Variants in MBD5 observed in about 807,000 individuals in gnomAD.
MBD5 encodes methyl-CpG-binding domain protein 5.
Under a neutral mutation model 117.3 loss-of-function variants are expected in MBD5, and 13 were observed. The ratio of observed to expected loss-of-function variants is 0.11; its 90% CI spans 0.07 to 0.18. MBD5 has a LOEUF of 0.18. Among genes scored for constraint, MBD5 ranks in the 10% least tolerant of loss-of-function variants. MBD5 has a pLI of 1.00. For missense variants in MBD5, 1,879 were observed against 2,093.8 expected (o/e 0.90, Z 2.00); for synonymous variants, 727 against 766.4 (o/e 0.95, Z 0.85).
intron 1 of MBD5, among the ~76,000 whole-genome samples, chr2:148,154,127 T>G (rs1697782239): frequency 1.0e-5 from 1 of 99,740 alleles, no homozygotes; most frequent in African/African-American, 3.5e-5. Context: ...GGTGTGGATG[T>G]CCTTTCTGTT....
chr2:148,126,715 TC>T (rs549237832), intron 1 of MBD5, among the ~76,000 whole-genome samples: 2 of 152,082 alleles, frequency 1.3e-5, no homozygotes, highest in South Asian at 4.2e-4. Flanking sequence ...TGCCATCTTT[TC>T]CCCCCTGGCT....
intron 1 of MBD5, among the ~76,000 whole-genome samples, chr2:148,128,480 T>C (rs1186522223): frequency 6.6e-6 from 1 of 152,204 alleles, no homozygotes; most frequent in Non-Finnish European, 1.5e-5. Context: ...AAAAACTAAG[T>C]CTTAAGTTTC....
intron 1 of MBD5, among the ~76,000 whole-genome samples, chr2:148,083,089 A>G (rs543530127): frequency 1.3e-5 from 2 of 152,274 alleles, no homozygotes; most frequent in African/African-American, 4.8e-5. Flanking sequence ...CTCTGTTGTC[A>G]TGTTTGCCAG....
chr2:148,480,044 G>A (rs1681101620), intron 8 of MBD5, among the ~76,000 whole-genome samples: 1 of 151,732 alleles, frequency 6.6e-6, no homozygotes, highest in African/African-American at 2.4e-5. Context: ...AAGAACAAGG[G>A]TTTTTTTAAA....
intron 1 of MBD5, among the ~76,000 whole-genome samples, chr2:148,038,996 A>G (rs1289605173): frequency 6.6e-6 from 1 of 152,116 alleles, no homozygotes. Flanking sequence ...CATAGTAACA[A>G]CAGGAAACAT....
chr2:148,385,782 A>AT, intron 4 of MBD5, among the ~76,000 whole-genome samples: 1 of 36,152 alleles, frequency 2.8e-5, no homozygotes, highest in Non-Finnish European at 5.6e-5. Context: ...ATGCAGCCAT[A>AT]AAAAAGGATG....
intron 1 of MBD5, among the ~76,000 whole-genome samples, chr2:148,045,399 A>G (rs1186504290): frequency 2.0e-5 from 3 of 152,232 alleles, no homozygotes; most frequent in Admixed American, 6.5e-5. Context: ...TAAAGTGTTC[A>G]TATTAGAAAC....
intron 10 of MBD5, 139 bp downstream of exon 10, chr2:148,486,089 T>G: frequency 1.3e-6 from 1 of 793,850 alleles, no homozygotes; most frequent in East Asian, 2.6e-5. Flanking sequence ...TCATGAGTAT[T>G]GTTAAACATT....
At chr2:148,375,973 A>G (rs115828280) in intron 4 of MBD5, among the ~76,000 whole-genome samples, 210 of 151,838 alleles carry the variant, frequency 1.4e-3, no homozygotes, top group Non-Finnish European at 2.5e-3. Flanking sequence ...TTGACATTTT[A>G]AAGTGAATAA....
intron 7 of MBD5, among the ~76,000 whole-genome samples, chr2:148,466,565 C>T (rs1180365770): frequency 1.3e-5 from 2 of 152,214 alleles, no homozygotes; most frequent in East Asian, 3.9e-4. Flanking sequence ...TAGGATAATG[C>T]TAATGACGTT....
intron 1 of MBD5, chr2:148,027,266 T>C (rs1427647769): frequency 6.6e-6 from 1 of 152,136 alleles, no homozygotes; most frequent in Admixed American, 6.6e-5. Flanking sequence ...AATATTTTGG[T>C]ATAAGAATGA....
At chr2:148,307,308 A>G (rs1351868945) in intron 3 of MBD5, among the ~76,000 whole-genome samples, 1 of 152,148 alleles carries the variant, frequency 6.6e-6, no homozygotes, top group Non-Finnish European at 1.5e-5. Context: ...GTAGCTTTTC[A>G]TCAGAAAATT....
intron 3 of MBD5, among the ~76,000 whole-genome samples, chr2:148,235,416 C>T (rs1488075969): frequency 6.6e-6 from 1 of 152,286 alleles, no homozygotes; most frequent in East Asian, 1.9e-4. Flanking sequence ...TATTAAGAAT[C>T]AAGCCCTTTG....
At chr2:148,500,144 C>T (rs1028664661) in intron 11 of MBD5, among the ~76,000 whole-genome samples, 1 of 151,490 alleles carries the variant, frequency 6.6e-6, no homozygotes, top group Non-Finnish European at 1.5e-5. Flanking sequence ...AAAAAATATC[C>T]CTGGAAAATT....
rs1415853812 is a variant in MBD5, at chr2:148,483,517, A to G, written c.2926A>G (p.Met976Val). 1 of 1,610,382 alleles carries G rather than the reference A, an allele frequency of 6.2e-7. No individual in the cohort carries two copies. Among genetic ancestry groups the G allele is most frequent in the Non-Finnish European group, 8.5e-7 (1 of 1,177,938 alleles). ...NAALAFLSSD[M>V]DGQVLQPVHF... is the part of the protein sequence containing the mutation. ...TGCTTTAGCTTTTCTCTCCAGTGACATGGATGGGCAGGTATTGCAGCCTGT... is the reference window on the plus strand; with the variant it reads ...TGCTTTAGCTTTTCTCTCCAGTGACGTGGATGGGCAGGTATTGCAGCCTGT... Residue 976 changes from methionine to valine, a missense_variant, in exon 9 of 14, where the codon ATG becomes GTG. Met to Val is a conservative substitution (Grantham distance 21). This residue lies in a region of MBD5 where 1,666 missense variants were observed against 1,792.2 expected (regional missense o/e 0.93). Coordinates refer to ENST00000642680, the MANE Select transcript of MBD5 (RefSeq NM_001378120.1).
chr2:148,312,015 G>A (rs1029928802), intron 3 of MBD5, among the ~76,000 whole-genome samples: 1 of 152,208 alleles, frequency 6.6e-6, no homozygotes, highest in Admixed American at 6.5e-5. Flanking sequence ...TGCAGAGACA[G>A]CTGCTGATAA....
At chr2:148,337,191 C>T (rs1461176997) in intron 3 of MBD5, among the ~76,000 whole-genome samples, 1 of 152,070 alleles carries the variant, frequency 6.6e-6, no homozygotes, top group African/African-American at 2.4e-5. Context: ...GTAGCCCGTA[C>T]CTTATTTATT....
intron 1 of MBD5, among the ~76,000 whole-genome samples, chr2:148,070,362 T>C (rs974974510): frequency 1.3e-5 from 2 of 152,206 alleles, no homozygotes; most frequent in African/African-American, 2.4e-5. Flanking sequence ...ATTGGTAGCA[T>C]GTTTGCTACT....
At chr2:148,440,455 G>A (rs535584324) in intron 4 of MBD5, among the ~76,000 whole-genome samples, 46 of 152,158 alleles carry the variant, frequency 3.0e-4, no homozygotes, top group African/African-American at 1.1e-3. Context: ...GATTCTATTC[G>A]GCCTCCACTC....
Sources: allele counts gnomAD v4.1 joint callset (sites outside exome capture counted in the v4.1 genomes callset), GRCh38; gene constraint gnomAD v4.1.1; regional missense constraint gnomAD v4.1.1; transcripts MANE v1.5; gene names NCBI Gene and HGNC (gene_info 2026-07-23, HGNC 2026-07-21).